DGKG: variants seen among roughly 807,000 people sequenced by gnomAD.
DGKG encodes DAG kinase gamma.
Under a neutral mutation model 105.3 loss-of-function variants are expected in DGKG, and 78 were observed. The ratio of observed to expected loss-of-function variants is 0.74; its 90% CI spans 0.62 to 0.89. DGKG has a LOEUF of 0.89. Ranked by LOEUF, DGKG falls within the 40% of genes least tolerant of loss-of-function variation. DGKG has a pLI of 0.00. For synonymous variants in DGKG, 346 were observed against 367.1 expected, an observed-to-expected ratio of 0.94 and a Z score of 0.66; for missense variants, 958 against 1,020.1, an observed-to-expected ratio of 0.94 and a Z score of 0.83.
chr3:186,293,593 CG>C (rs1471579968), intron 5 of DGKG, among the ~76,000 whole-genome samples: 1 of 152,180 alleles, frequency 6.6e-6, no homozygotes, highest in Non-Finnish European at 1.5e-5. Context: ...CTCAGGCCTC[CG>C]AGCCGAAGTC....
At chr3:186,150,845 C>T (rs959387114) in intron 24 of DGKG, among the ~76,000 whole-genome samples, 1 of 152,220 alleles carries the variant, frequency 6.6e-6, no homozygotes, top group African/African-American at 2.4e-5. Flanking sequence ...AAGTGAAAGA[C>T]ACTGATGTAT....
chr3:186,233,255 G>C (rs946126420), intron 20 of DGKG, among the ~76,000 whole-genome samples: 2 of 152,162 alleles, frequency 1.3e-5, no homozygotes, highest in African/African-American at 4.8e-5. Context: ...AGAATGTCAG[G>C]GGGACGCCAT....
At chr3:186,180,953 T>G (rs1421047516) in intron 22 of DGKG, among the ~76,000 whole-genome samples, 1 of 152,216 alleles carries the variant, frequency 6.6e-6, no homozygotes, top group African/African-American at 2.4e-5. Context: ...AGGTAAAGTG[T>G]TCACATCTAG....
intron 21 of DGKG, among the ~76,000 whole-genome samples, chr3:186,197,652 T>C (rs781660492): frequency 6.6e-6 from 1 of 152,156 alleles, no homozygotes; most frequent in African/African-American, 2.4e-5. Context: ...CGGTGAAGGC[T>C]GGATGCCGTA....
In DGKG at chr3:186,273,444, G is replaced by A. The variant is rs530926590; in HGVS notation, c.911-1101C>T. ...GGCTGGAGTGCAGTGATGCAATCTC[G>A]GCTCACCGCAACCTCCGACTCCCTG... On this transcript the variant is annotated intron_variant, in intron 10 of 24. Transcript: ENST00000265022. Among the ~76,000 whole-genome samples, 13 of 131,988 alleles carry A rather than the reference G, an allele frequency of 9.8e-5. 2 individuals are homozygous for A. The highest frequency in any genetic ancestry group is 2.2e-4 in the African/African-American group (8 of 36,608). The allele number at this position is 131,988 out of a possible 152,430, so 86.6% of individuals were successfully genotyped here.
chr3:186,191,946 T>C (rs1717928452), intron 21 of DGKG, among the ~76,000 whole-genome samples: 1 of 152,236 alleles, frequency 6.6e-6, no homozygotes, highest in African/African-American at 2.4e-5. Flanking sequence ...CTATCCTTCA[T>C]ACACATATTC....
chr3:186,334,414 C>T (rs1307191217), intron 1 of DGKG, among the ~76,000 whole-genome samples: 1 of 152,160 alleles, frequency 6.6e-6, no homozygotes, highest in African/African-American at 2.4e-5. Flanking sequence ...TTATGGAAGG[C>T]TCTGGGTAGC....
chr3:186,305,717 G>A (rs1236346630), intron 3 of DGKG, among the ~76,000 whole-genome samples: 1 of 152,158 alleles, frequency 6.6e-6, no homozygotes, highest in Non-Finnish European at 1.5e-5. Flanking sequence ...AGTGCAAGTG[G>A]CGAGATGTGT....
chr3:186,178,632 G>A (rs1182355347), intron 22 of DGKG, among the ~76,000 whole-genome samples: 1 of 152,150 alleles, frequency 6.6e-6, no homozygotes, highest in African/African-American at 2.4e-5. Flanking sequence ...TTTCCACCTC[G>A]CCAGGCCCTC....
chr3:186,275,945 GATCT>G (rs146027394), intron 9 of DGKG, among the ~76,000 whole-genome samples: 50,393 of 148,502 alleles, frequency 0.34, 8,651 homozygotes, highest in Middle Eastern at 0.36. Context: ...ACAACAATCT[GATCT>G]ATCTATCTAT....
chr3:186,281,689 G>C (rs1031335595), intron 7 of DGKG, among the ~76,000 whole-genome samples: 2 of 152,224 alleles, frequency 1.3e-5, no homozygotes, highest in Non-Finnish European at 2.9e-5. Context: ...ATGAGGGTAA[G>C]AAAGTGGGCA....
At chr3:186,298,821 A>T (rs191295165) in intron 3 of DGKG, among the ~76,000 whole-genome samples, 100 of 152,328 alleles carry the variant, frequency 6.6e-4, no homozygotes, top group Admixed American at 1.5e-3. Flanking sequence ...ATCCTTCATG[A>T]CTTTCATAGT....
chr3:186,247,458 C>T (rs1720997262), intron 19 of DGKG, among the ~76,000 whole-genome samples: 1 of 152,140 alleles, frequency 6.6e-6, no homozygotes. Context: ...AAGACCTTGG[C>T]AGGGCTCTCT....
chr3:186,341,529 T>C (rs1726085822), intron 1 of DGKG, among the ~76,000 whole-genome samples: 2 of 152,176 alleles, frequency 1.3e-5, no homozygotes, highest in Non-Finnish European at 2.9e-5. Context: ...CATGATACCA[T>C]GAATCTATCC....
At chr3:186,267,938 G>C (rs1450344699) in intron 12 of DGKG, among the ~76,000 whole-genome samples, 161 bp from the exon 13 acceptor site, 1 of 151,984 alleles carries the variant, frequency 6.6e-6, no homozygotes, top group Non-Finnish European at 1.5e-5. Context: ...GTGTGCACGT[G>C]TGTGTGTGTG....
At chr3:186,183,391 A>G (rs1717451915) in intron 22 of DGKG, among the ~76,000 whole-genome samples, 1 of 152,240 alleles carries the variant, frequency 6.6e-6, no homozygotes, top group Non-Finnish European at 1.5e-5. Context: ...AATTATTTGC[A>G]AGCCAAAATG....
intron 5 of DGKG, among the ~76,000 whole-genome samples, chr3:186,294,716 A>G (rs1158898573): frequency 7.0e-6 from 1 of 142,470 alleles, no homozygotes; most frequent in Non-Finnish European, 1.5e-5. Context: ...TATAAGAGTT[A>G]TCTGTGCCTT....
At chr3:186,158,215 A>G in intron 24 of DGKG, 4 of 709,054 alleles carry the variant, frequency 5.6e-6, no homozygotes, top group Non-Finnish European at 6.9e-6. Flanking sequence ...TGCTTCTCCT[A>G]AGATTGTTTT....
At chr3:186,251,959 G>A in intron 18 of DGKG, 40 bp from the exon 19 acceptor site, 1 of 1,511,452 alleles carries the variant, frequency 6.6e-7, no homozygotes, top group African/African-American at 1.4e-5. Flanking sequence ...ACAGCAGAAA[G>A]GCTGTATTCT....
Sources: gnomAD v4.1 joint callset for allele counts (sites outside exome capture counted in the v4.1 genomes callset) on GRCh38, gnomAD v4.1.1 for gene constraint, MANE v1.5 for transcripts, NCBI Gene and HGNC (gene_info 2026-07-23, HGNC 2026-07-21) for gene names.